The following ANKRD6 variants were observed in gnomAD, a reference collection of about 807,000 sequenced individuals.
ANKRD6 encodes ankyrin repeat domain-containing protein 6.
A neutral mutation model predicts 82.3 loss-of-function variants in ANKRD6; 56 were observed. The ratio of observed to expected loss-of-function variants is 0.68; its 90% CI spans 0.55 to 0.85. The LOEUF (loss-of-function observed/expected upper bound fraction) is 0.85. Among genes scored for constraint, ANKRD6 ranks in the 40% least tolerant of loss-of-function variants. The probability of loss-of-function intolerance (pLI) is 0.00; values close to 1 mark genes in which losing one functional copy is unlikely to be tolerated. For missense variants in ANKRD6, 852 were observed against 907.6 expected (o/e 0.94, Z 0.79); for synonymous variants, 347 against 352.1 (o/e 0.99, Z 0.16).
intron 1 of ANKRD6, among the ~76,000 whole-genome samples, chr6:89,519,996 T>C (rs1308762074): frequency 6.6e-6 from 1 of 152,140 alleles, no homozygotes; most frequent in Non-Finnish European, 1.5e-5. Flanking sequence ...TTCATTTCCT[T>C]TTCTTTTTTG....
At chr6:89,521,606 C>T (rs1781898207) in intron 1 of ANKRD6, among the ~76,000 whole-genome samples, 1 of 152,200 alleles carries the variant, frequency 6.6e-6, no homozygotes, top group Non-Finnish European at 1.5e-5. Flanking sequence ...GAAGATGCAA[C>T]AAGTCCAGTT....
Position 89,624,539 on chromosome 6 carries a change from G to A in ANKRD6, c.1219G>A (p.Ala407Thr), listed in dbSNP as rs1374915082. 1 of 1,552,290 alleles carries A rather than the reference G, an allele frequency of 6.4e-7. No individual in the cohort carries two copies. Residue 407 changes from alanine to threonine, a missense_variant and splice_region_variant, in exon 13 of 16, where the codon GCA becomes ACA. By Grantham distance (58) the Ala-to-Thr change is moderately conservative (BLOSUM62 0). Coordinates refer to ENST00000339746, the MANE Select transcript of ANKRD6 (RefSeq NM_001242809.2). ...YRGKDGKVMQ[A>T]PINGCRCEPL... Reference sequence around the variant, plus strand: ...GATTCCTTTTTTGTTTCTCTCTTAGGCACCAATAAATGGTTGTCGATGTGA... The same window carrying A: ...GATTCCTTTTTTGTTTCTCTCTTAGACACCAATAAATGGTTGTCGATGTGA...
Position 89,437,667 on chromosome 6 carries a change from A to C in ANKRD6, c.-144+4292A>C, listed in dbSNP as rs982073912. Reference sequence around the variant, plus strand: ...CAAATGTATTCTAAATATAGCATACAATACGTCCTACCTTGTTTCATATCC... The same window carrying C: ...CAAATGTATTCTAAATATAGCATACCATACGTCCTACCTTGTTTCATATCC... On this transcript the variant is annotated intron_variant, in intron 1 of 15. Transcript: ENST00000339746. 1.3e-5 allele frequency among the ~76,000 whole-genome samples: 2 copies of C among 152,214 alleles called. 1 individual carries two copies. Among genetic ancestry groups the C allele is most frequent in the African/African-American group, 4.8e-5 (2 of 41,448 alleles).
chr6:89,565,695 C>A (rs908338670), intron 1 of ANKRD6, among the ~76,000 whole-genome samples: 1 of 152,152 alleles, frequency 6.6e-6, no homozygotes, highest in African/African-American at 2.4e-5. Context: ...TTTGGGTGTG[C>A]CTGGGAACAA....
At chr6:89,501,908 C>T (rs1779312520) in intron 1 of ANKRD6, among the ~76,000 whole-genome samples, 1 of 151,942 alleles carries the variant, frequency 6.6e-6, no homozygotes, top group Admixed American at 6.5e-5. Context: ...CATCTCATCA[C>T]CTCCCCACAG....
In ANKRD6 at chr6:89,461,768, T is replaced by C. The variant is rs564843157; in HGVS notation, c.-144+28393T>C. On this transcript the variant is annotated intron_variant, in intron 1 of 15. Transcript: ENST00000339746. ...AACATTCAACCCAGACTTTTGTGAA[T>C]AGAGTATGAGAAATGATGTTATTGA... Among the ~76,000 whole-genome samples, 24 of 152,330 alleles carry C rather than the reference T, an allele frequency of 1.6e-4. 1 individual carries two copies. The South Asian group carries it at 3.3e-3, about 21-fold the overall frequency.
intron 2 of ANKRD6, among the ~76,000 whole-genome samples, chr6:89,585,319 C>T (rs995781060): frequency 4.6e-5 from 7 of 152,146 alleles, no homozygotes; most frequent in Non-Finnish European, 7.4e-5. Context: ...GGTGTCTGCT[C>T]GTTCACTATA....
chr6:89,609,443 A>G (rs1483857965), intron 5 of ANKRD6, among the ~76,000 whole-genome samples: 1 of 151,940 alleles, frequency 6.6e-6, no homozygotes, highest in Admixed American at 6.6e-5. Flanking sequence ...CTGGGATTAC[A>G]GGCACCTGCC....
At chr6:89,580,950 A>G (rs112919253) in intron 2 of ANKRD6, among the ~76,000 whole-genome samples, 2,395 of 152,244 alleles carry the variant, frequency 0.016, 77 homozygotes, top group African/African-American at 0.055. Context: ...AAAGGACCCC[A>G]TACACTTATT....
In ANKRD6 at chr6:89,631,036, T is replaced by A. The variant is rs1307473371; in HGVS notation, c.*32T>A. Reference sequence around the variant, plus strand: ...TAAAGAGGAAATATGAAAGGATTCTTGAAGATTTCCAGTTTTGCAACTGCA... The same window carrying A: ...TAAAGAGGAAATATGAAAGGATTCTAGAAGATTTCCAGTTTTGCAACTGCA... On this transcript the variant is annotated 3_prime_UTR_variant, in exon 16 of 16. Coordinates refer to ENST00000339746, the MANE Select transcript of ANKRD6 (RefSeq NM_001242809.2). 1 of 1,469,106 alleles carries A rather than the reference T, an allele frequency of 6.8e-7. No individual in the cohort carries two copies. Among genetic ancestry groups the A allele is most frequent in the Non-Finnish European group, 9.0e-7 (1 of 1,114,386 alleles). 91.0% of individuals were successfully genotyped at this position (1,469,106 alleles called of 1,614,324 possible). A position where few individuals can be genotyped will look rare whatever the true frequency, so the allele number is the denominator to read the frequency against.
chr6:89,599,801 C>T (rs1796692973), intron 3 of ANKRD6, among the ~76,000 whole-genome samples: 1 of 152,154 alleles, frequency 6.6e-6, no homozygotes, highest in African/African-American at 2.4e-5. Flanking sequence ...CCTGAGAAAG[C>T]GTATTGCCCA....
intron 4 of ANKRD6, among the ~76,000 whole-genome samples, chr6:89,603,627 C>T (rs974112292): frequency 3.3e-5 from 5 of 152,146 alleles, no homozygotes; most frequent in Non-Finnish European, 7.4e-5. Flanking sequence ...CCCAGACTTT[C>T]TCTTTACTTT....
In ANKRD6 at chr6:89,555,889, A is replaced by T. The variant is rs535776751; in HGVS notation, c.-143-10945A>T. On this transcript the variant is annotated intron_variant, in intron 1 of 15. Coordinates refer to ENST00000339746, the MANE Select transcript of ANKRD6 (RefSeq NM_001242809.2). ...TGAAAAGAGCACTGTAACATCAGGG[A>T]TCACATAAATCAAGGCGGGGGAGGG... 3.3e-5 allele frequency among the ~76,000 whole-genome samples: 5 copies of T among 152,214 alleles called. No individual in the cohort carries two copies. In the East Asian group the frequency reaches 9.7e-4, roughly 29 times the overall value.
At chr6:89,510,120 G>T (rs1780355027) in intron 1 of ANKRD6, among the ~76,000 whole-genome samples, 1 of 152,216 alleles carries the variant, frequency 6.6e-6, no homozygotes, top group Non-Finnish European at 1.5e-5. Context: ...CTTGCCCTCT[G>T]CTGTGGAGAC....
intron 1 of ANKRD6, among the ~76,000 whole-genome samples, chr6:89,461,874 T>C (rs1774189433): frequency 6.6e-6 from 1 of 152,144 alleles, no homozygotes; most frequent in Non-Finnish European, 1.5e-5. Context: ...CATAAAAATA[T>C]AACTATTATA....
intron 3 of ANKRD6, among the ~76,000 whole-genome samples, chr6:89,599,766 C>T (rs564558101): frequency 6.6e-6 from 1 of 152,250 alleles, no homozygotes; most frequent in Admixed American, 6.5e-5. Context: ...ATCTTGGTTA[C>T]TTGAGAAGGG....
intron 1 of ANKRD6, among the ~76,000 whole-genome samples, chr6:89,523,322 TGAAAG>T (rs1344960372): frequency 6.6e-6 from 1 of 152,198 alleles, no homozygotes; most frequent in East Asian, 1.9e-4. Context: ...TCTTAGTGAA[TGAAAG>T]GAGAGAATTT....
At chr6:89,517,753 A>G (rs1241938057) in intron 1 of ANKRD6, among the ~76,000 whole-genome samples, 1 of 152,244 alleles carries the variant, frequency 6.6e-6, no homozygotes, top group Admixed American at 6.5e-5. Context: ...TCCTTATGAC[A>G]GTTAATTGCT....
At chr6:89,513,142 G>A (rs1310430834) in intron 1 of ANKRD6, among the ~76,000 whole-genome samples, 5 of 152,132 alleles carry the variant, frequency 3.3e-5, no homozygotes, top group Non-Finnish European at 7.4e-5. Flanking sequence ...GCCCAGGCTG[G>A]TCTCAAACTC....
Sources: gnomAD v4.1 joint callset for allele counts (sites outside exome capture counted in the v4.1 genomes callset) on GRCh38, gnomAD v4.1.1 for gene constraint, MANE v1.5 for transcripts, NCBI Gene and HGNC (gene_info 2026-07-23, HGNC 2026-07-21) for gene names.